Variants in KDM2B observed in about 807,000 individuals in gnomAD.
KDM2B encodes the protein lysine-specific demethylase 2B.
A neutral mutation model predicts 150.0 loss-of-function variants in KDM2B; 26 were observed. That is an observed-to-expected ratio of 0.17 (90% CI 0.13 to 0.24). KDM2B has a LOEUF of 0.24. KDM2B is among the 10% of genes least tolerant of loss of function. The pLI is 1.00. For missense variants in KDM2B, 1,265 were observed against 1,816.9 expected, an observed-to-expected ratio of 0.70 and a Z score of 5.52; for synonymous variants, 734 against 729.5, an observed-to-expected ratio of 1.01 and a Z score of -0.10.
chr12:121,430,937 C>G lies in KDM2B; in HGVS notation c.3830-468G>C, dbSNP rs1301208514. Among the ~76,000 whole-genome samples the G allele has an allele frequency of 6.6e-6, 1 of 152,220 alleles. No individual in the cohort carries two copies. Among genetic ancestry groups the G allele is most frequent in the African/African-American group, 2.4e-5 (1 of 41,454 alleles). ...CATTGCTGGGTCACAGAAAGAACATCCCTAAGGGCATCTTGGGATCATTTT... is the reference window on the plus strand; with the variant it reads ...CATTGCTGGGTCACAGAAAGAACATGCCTAAGGGCATCTTGGGATCATTTT... On this transcript the variant is annotated intron_variant, in intron 22 of 22. Transcript: ENST00000377071. This position sits in a 1 kb window ranked among gnomAD's most constrained non-coding sequence, Gnocchi z 4.4.
intron 4 of KDM2B, among the ~76,000 whole-genome samples, chr12:121,558,290 G>C (rs1205392253): frequency 6.6e-6 from 1 of 151,960 alleles, no homozygotes; most frequent in Non-Finnish European, 1.5e-5. Flanking sequence ...GTGAACTAAA[G>C]ACCTGACCTG....
intron 4 of KDM2B, among the ~76,000 whole-genome samples, chr12:121,551,919 GA>G (rs1889535222): frequency 1.3e-5 from 2 of 152,122 alleles, no homozygotes; most frequent in Non-Finnish European, 2.9e-5. Context: ...AACAAAAAAA[GA>G]AAGTAACACC....
chr12:121,490,250 C>T (rs1227937896), intron 12 of KDM2B, among the ~76,000 whole-genome samples: 7 of 152,182 alleles, frequency 4.6e-5, no homozygotes, highest in East Asian at 3.9e-4. Context: ...AAAATGTCCC[C>T]GTAAGGAAGC....
At chr12:121,418,375 TGTA>T in the KDM2B span, 2 of 158,434 alleles carry the variant, frequency 1.3e-5, no homozygotes, top group African/African-American at 4.8e-5. Context: ...AGTGAAAAAA[TGTA>T]GTTATTTACT....
intron 12 of KDM2B, among the ~76,000 whole-genome samples, chr12:121,480,583 CAAAAAAAAAAA>C (rs35490517): frequency 3.6e-4 from 23 of 63,250 alleles, no homozygotes; most frequent in Admixed American, 7.1e-4. Context: ...CTGTCGCTAC[CAAAAAAAAAAA>C]AAAAAAAAAA....
At chr12:121,443,858 G>T in intron 16 of KDM2B, 65 bp from the exon 17 acceptor site, 1 of 1,389,466 alleles carries the variant, frequency 7.2e-7, no homozygotes. Context: ...TTTGGGGCAG[G>T]GCTCTCAGGA....
At chr12:121,475,558 C>T (rs782752396) in intron 12 of KDM2B, among the ~76,000 whole-genome samples, 6 of 151,888 alleles carry the variant, frequency 4.0e-5, no homozygotes, top group Non-Finnish European at 5.9e-5. Flanking sequence ...TGTGACTGCA[C>T]TCAGTCACCC....
intron 10 of KDM2B, among the ~76,000 whole-genome samples, chr12:121,512,060 G>C (rs1015806599): frequency 2.0e-5 from 3 of 152,042 alleles, no homozygotes; most frequent in Non-Finnish European, 4.4e-5. Context: ...ACCAACCCTC[G>C]GCCTTCTGGC....
chr12:121,411,242 TA>T, the KDM2B span, among the ~76,000 whole-genome samples: 1 of 152,202 alleles, frequency 6.6e-6, no homozygotes, highest in Non-Finnish European at 1.5e-5. Flanking sequence ...TTTAATTTTT[TA>T]TTTTATAATG....
chr12:121,553,185 C>G (rs1471477867), intron 4 of KDM2B, among the ~76,000 whole-genome samples: 4 of 151,576 alleles, frequency 2.6e-5, no homozygotes, highest in Non-Finnish European at 5.9e-5. Flanking sequence ...GAGCCGAGAT[C>G]GCGCCACTGC....
chr12:121,420,500 C>T, the KDM2B span: 10 of 1,573,894 alleles, frequency 6.4e-6, no homozygotes, highest in South Asian at 4.5e-5. Context: ...GGAGAATATT[C>T]AGGGCCAGTG....
the KDM2B span, among the ~76,000 whole-genome samples, chr12:121,410,569 G>GA: frequency 0.013 from 1,888 of 147,328 alleles, 38 homozygotes; most frequent in African/African-American, 0.041. Context: ...TGCTGGATGG[G>GA]AAAAAAAAAA....
At chr12:121,415,801 C>T in the KDM2B span, among the ~76,000 whole-genome samples, 2 of 147,966 alleles carry the variant, frequency 1.4e-5, no homozygotes, top group Non-Finnish European at 3.0e-5. Context: ...TTAGTATATG[C>T]ATATCCCAAA....
rs564976197 is a variant in KDM2B, at chr12:121,487,508, C to T, written c.1734+7071G>A. ...TCCTGGGACCCTCATCCTGGCCCTG[C>T]GGCTTCCATCGCAGCCTCCTCCCAG... On this transcript the variant is annotated intron_variant, in intron 12 of 22. Transcript: ENST00000377071. Among the ~76,000 whole-genome samples, 14 of 152,304 alleles carry T rather than the reference C, an allele frequency of 9.2e-5. No individual in the cohort carries two copies. In the East Asian group the frequency reaches 1.4e-3, roughly 15 times the overall value.
At chr12:121,572,092 C>T (rs1035938176) in intron 4 of KDM2B, among the ~76,000 whole-genome samples, 14 of 152,074 alleles carry the variant, frequency 9.2e-5, no homozygotes, top group Non-Finnish European at 1.5e-4. Flanking sequence ...CAGCTATTCT[C>T]GAGGCTAAGG....
chr12:121,527,997 G>T (rs1887301548), intron 8 of KDM2B, among the ~76,000 whole-genome samples: 2 of 152,158 alleles, frequency 1.3e-5, no homozygotes, highest in Admixed American at 6.6e-5. Context: ...TTCCCCGGGG[G>T]TGACTTCCAC....
In KDM2B at chr12:121,547,790, G is replaced by A. The variant is rs549071725; in HGVS notation, c.683+1087C>T. Among the ~76,000 whole-genome samples the A allele has an allele frequency of 5.9e-5, 9 of 151,882 alleles. No individual in the cohort carries two copies. In the East Asian group the frequency reaches 1.6e-3, roughly 26 times the overall value. On this transcript the variant is annotated intron_variant, in intron 6 of 22. Coordinates refer to ENST00000377071, the MANE Select transcript of KDM2B (RefSeq NM_032590.5). ...CCTGAGTAGCTGGAATTACAGGCGT[G>A]CACCACCACACCGGGTCAATTTTTG... is the stretch of plus-strand genomic sequence containing the variant.
intron 12 of KDM2B, among the ~76,000 whole-genome samples, chr12:121,460,916 G>T (rs1321555385): frequency 1.3e-5 from 2 of 152,060 alleles, no homozygotes; most frequent in South Asian, 2.1e-4. Flanking sequence ...TATGAGGAAG[G>T]AATTACTATT....
chr12:121,457,732 G>A (rs1555293064), intron 12 of KDM2B, among the ~76,000 whole-genome samples: 3 of 126,564 alleles, frequency 2.4e-5, no homozygotes, highest in East Asian at 4.5e-4. Flanking sequence ...TAGGAAGATC[G>A]GAAACATACA....
Sources: gnomAD v4.1 joint callset for allele counts (sites outside exome capture counted in the v4.1 genomes callset) on GRCh38, gnomAD v4.1.1 for gene constraint, Gnocchi (gnomAD v3.1) non-coding constraint, MANE v1.5 for transcripts, NCBI Gene and HGNC (gene_info 2026-07-23, HGNC 2026-07-21) for gene names.